ROBO2: variants seen among roughly 807,000 people sequenced by gnomAD.
ROBO2 encodes the protein roundabout homolog 2.
ROBO2 carries 53 observed loss-of-function variants against 160.8 expected under a neutral mutation model. That is an observed-to-expected ratio of 0.33 (90% CI 0.26 to 0.41). ROBO2 has a LOEUF of 0.41. ROBO2 is among the 10% of genes least tolerant of loss of function. The pLI, the probability that ROBO2 is intolerant of heterozygous loss-of-function variation, is 1.00. For missense variants in ROBO2, 1,577 were observed against 1,722.4 expected (o/e 0.92, Z 1.49); for synonymous variants, 664 against 611.7 (o/e 1.09, Z -1.26).
At chr3:76,847,516 A>C (rs1170515802) in intron 2 of ROBO2, among the ~76,000 whole-genome samples, 2 of 152,168 alleles carry the variant, frequency 1.3e-5, no homozygotes, top group Non-Finnish European at 2.9e-5. Context: ...TCTATAGAAA[A>C]ATCATGCTTA....
intron 2 of ROBO2, among the ~76,000 whole-genome samples, chr3:75,938,201 A>T (rs1947884932): frequency 6.6e-6 from 1 of 151,826 alleles, no homozygotes; most frequent in Non-Finnish European, 1.5e-5. Context: ...TCTGTTGGAG[A>T]GTAGAAAAGG....
At chr3:75,907,852 C>T (rs200275872) in intron 1 of ROBO2, among the ~76,000 whole-genome samples, 14 of 148,562 alleles carry the variant, frequency 9.4e-5, no homozygotes, top group Admixed American at 5.4e-4. Flanking sequence ...TAATCGTGTG[C>T]GTGTGTGTGT....
At chr3:76,062,025 T>C (rs1001717104) in intron 2 of ROBO2, among the ~76,000 whole-genome samples, 6 of 152,114 alleles carry the variant, frequency 3.9e-5, no homozygotes, top group African/African-American at 1.4e-4. Context: ...TCTGATGTCA[T>C]TGGGCTTGCT....
At chr3:77,512,896 T>C (rs569140354) in intron 5 of ROBO2, among the ~76,000 whole-genome samples, 5 of 151,982 alleles carry the variant, frequency 3.3e-5, no homozygotes, top group African/African-American at 1.2e-4. Flanking sequence ...TTGGCCAACT[T>C]AACGATTAAT....
chr3:76,033,128 ATTG>A (rs2066984417), intron 2 of ROBO2, among the ~76,000 whole-genome samples: 1 of 151,720 alleles, frequency 6.6e-6, no homozygotes, highest in East Asian at 1.9e-4. Context: ...GAGAAATGTT[ATTG>A]TTGTTTTTTC....
intron 7 of ROBO2, among the ~76,000 whole-genome samples, chr3:77,549,099 C>T (rs1044437275): frequency 1.3e-5 from 2 of 151,734 alleles, no homozygotes; most frequent in East Asian, 3.9e-4. Context: ...GTGAAGTTCC[C>T]GGTTTTTGCT....
At chr3:77,173,635 A>C (rs1341813101) in intron 2 of ROBO2, among the ~76,000 whole-genome samples, 1 of 152,034 alleles carries the variant, frequency 6.6e-6, no homozygotes, top group Non-Finnish European at 1.5e-5. Flanking sequence ...TCATTTTTTT[A>C]CGTAGAAGAC....
chr3:76,474,231 C>G (rs912400296), intron 2 of ROBO2, among the ~76,000 whole-genome samples: 4 of 152,010 alleles, frequency 2.6e-5, no homozygotes, highest in Non-Finnish European at 5.9e-5. Flanking sequence ...TTTCTTGTAA[C>G]AGCTGTTTAG....
At chr3:76,026,788 G>A (rs1374361509) in intron 2 of ROBO2, among the ~76,000 whole-genome samples, 2 of 151,878 alleles carry the variant, frequency 1.3e-5, no homozygotes, top group Non-Finnish European at 2.9e-5. Context: ...AAGTAACAGA[G>A]GCTGCTATTT....
chr3:76,932,808 A>C (rs1440117045), intron 2 of ROBO2, among the ~76,000 whole-genome samples: 2 of 152,158 alleles, frequency 1.3e-5, no homozygotes, highest in Non-Finnish European at 2.9e-5. Flanking sequence ...ACAGTCCTGA[A>C]AGCAGCTCTC....
intron 2 of ROBO2, among the ~76,000 whole-genome samples, chr3:76,682,480 T>C (rs9876266): frequency 0.55 from 83,636 of 151,770 alleles, 24,068 homozygotes; most frequent in East Asian, 0.76. Flanking sequence ...ACGATCTCGG[T>C]TCACTGTGAC....
intron 5 of ROBO2, among the ~76,000 whole-genome samples, chr3:77,512,899 C>T (rs79476228): frequency 2.4e-4 from 37 of 151,928 alleles, no homozygotes; most frequent in African/African-American, 8.4e-4. Context: ...GCCAACTTAA[C>T]GATTAATACA....
At chr3:76,521,381 C>T (rs1322548029) in intron 2 of ROBO2, among the ~76,000 whole-genome samples, 1 of 152,048 alleles carries the variant, frequency 6.6e-6, no homozygotes, top group Admixed American at 6.6e-5. Context: ...GGTGTGATTC[C>T]AGTGGAGGTC....
Position 76,426,456 on chromosome 3 carries a change from TAC to T in ROBO2, c.109+488856_109+488857del, listed in dbSNP as rs2076223990. 2.6e-5 allele frequency among the ~76,000 whole-genome samples: 4 copies of T among 152,104 alleles called. No individual in the cohort carries two copies. The South Asian group carries it at 8.3e-4, about 31-fold the overall frequency. ...AAATGATCAACAGACATCTGCGTCC[TAC>T]AGAGTTCATAGATGGTAAGGAAGGC... is the stretch of plus-strand genomic sequence containing the variant. On this transcript the variant is annotated intron_variant, in intron 2 of 26. Coordinates refer to the ROBO2 transcript ENST00000487694.
At chr3:77,485,344 C>G (rs79886959) in intron 4 of ROBO2, among the ~76,000 whole-genome samples, 2,697 of 152,200 alleles carry the variant, frequency 0.018, 73 homozygotes, top group African/African-American at 0.059. Flanking sequence ...AGTTGTGACT[C>G]TAACATCATT....
intron 2 of ROBO2, among the ~76,000 whole-genome samples, chr3:76,158,332 A>G (rs190302206): frequency 2.0e-5 from 3 of 152,068 alleles, no homozygotes; most frequent in Non-Finnish European, 4.4e-5. Context: ...AGTCAGGAAA[A>G]TCCTCTCTCT....
intron 2 of ROBO2, among the ~76,000 whole-genome samples, chr3:76,761,017 A>C (rs181654520): frequency 1.3e-5 from 2 of 151,684 alleles, no homozygotes; most frequent in Non-Finnish European, 2.9e-5. Flanking sequence ...TCAGGAACAC[A>C]TGAAAGCCTG....
chr3:75,937,709 T>C (rs1275945211), intron 2 of ROBO2: 9 of 626,154 alleles, frequency 1.4e-5, no homozygotes, highest in East Asian at 3.0e-5. Context: ...GTTGTAATTT[T>C]CCCCCAGGTT....
chr3:77,003,998 A>G (rs185972596), intron 2 of ROBO2, among the ~76,000 whole-genome samples: 1 of 152,334 alleles, frequency 6.6e-6, no homozygotes, highest in Admixed American at 6.5e-5. Context: ...AATCAAACTT[A>G]AAACATGTTT....
Sources: gnomAD v4.1 joint callset for allele counts (sites outside exome capture counted in the v4.1 genomes callset) on GRCh38, gnomAD v4.1.1 for gene constraint, MANE v1.5 for transcripts, NCBI Gene and HGNC (gene_info 2026-07-23, HGNC 2026-07-21) for gene names.